The following ZNF763 variants were observed in gnomAD, a reference collection of about 807,000 sequenced individuals.
The protein encoded by ZNF763 is zinc finger protein 763, also known as DNA-binding protein.
Under a neutral mutation model 38.0 loss-of-function variants are expected in ZNF763, and 33 were observed. The ratio of observed to expected loss-of-function variants is 0.87; its 90% CI spans 0.66 to 1.16. ZNF763 has a LOEUF of 1.16. ZNF763 is among the 50% of genes most tolerant of loss of function. The pLI is 0.00. For missense variants in ZNF763, 423 were observed against 469.1 expected (o/e 0.90, Z 0.91); for synonymous variants, 155 against 160.1 (o/e 0.97, Z 0.24).
At position 11,978,737 on chromosome 19, in the gene ZNF763, T is replaced by C. The variant is rs1317345296; in HGVS notation, c.813T>C (p.Phe271=). 3 of 1,613,968 alleles carry C rather than the reference T, an allele frequency of 1.9e-6. No individual in the cohort carries two copies. The highest frequency in any genetic ancestry group is 2.5e-6 in the Non-Finnish European group (3 of 1,179,986). ...CGKAFHSSSS[F]QAHKRTHTGG... ...AAGCATTCCATAGTTCCAGTTCTTT[T>C]CAAGCACATAAAAGAACCCACACTG... The change falls in exon 4 of 4, where the codon TTT becomes TTC. Residue 271 remains phenylalanine (F), a synonymous_variant. Coordinates refer to ENST00000358987, the MANE Select transcript of ZNF763 (RefSeq NM_001367172.2).
Position 11,979,894 on chromosome 19 carries a change from T to G in ZNF763, c.*785T>G, listed in dbSNP as rs1191885333. On this transcript the variant is annotated 3_prime_UTR_variant, in exon 4 of 4. Transcript: ENST00000358987. ...TAAGAATGCACTCTGTAGAAAGACC[T>G]TATAAATGTAAGATATGTGGGAAAG... is the stretch of plus-strand genomic sequence containing the variant. 1 of 1,415,080 alleles carries G rather than the reference T, an allele frequency of 7.1e-7. No homozygotes were observed. Among genetic ancestry groups the G allele is most frequent in the African/African-American group, 1.4e-5 (1 of 69,854 alleles). The allele number at this position is 1,415,080 out of a possible 1,614,324, so 87.7% of individuals were successfully genotyped here. A position where few individuals can be genotyped will look rare whatever the true frequency, so the allele number is the denominator to read the frequency against.
At position 11,979,164 on chromosome 19, in the gene ZNF763, A is replaced by G. The variant is rs892444258; in HGVS notation, c.*55A>G. The G allele has an allele frequency of 1.9e-6, 3 of 1,612,296 alleles. No homozygotes were observed. Among genetic ancestry groups the G allele is most frequent in the Non-Finnish European group, 2.5e-6 (3 of 1,179,642 alleles). On this transcript the variant is annotated 3_prime_UTR_variant, in exon 4 of 4. Transcript: ENST00000358987. ...CTGCCAAGTCATTTCGAAGACATGA[A>G]AAAACTCACACTGGAGAGAAACCCT...
In ZNF763 at chr19:11,970,227, A is replaced by C. The variant is rs953479418; in HGVS notation, c.3+5016A>C. On this transcript the variant is annotated intron_variant, in intron 1 of 3. Coordinates refer to ENST00000358987, the MANE Select transcript of ZNF763 (RefSeq NM_001367172.2). ...GATTCCTGTCCTCTGGATTGTCTCAACTGTGAAGAGAGAAATATCCCAAAA... is the reference window on the plus strand; with the variant it reads ...GATTCCTGTCCTCTGGATTGTCTCACCTGTGAAGAGAGAAATATCCCAAAA... 9.2e-5 allele frequency among the ~76,000 whole-genome samples: 14 copies of C among 152,346 alleles called. No individual in the cohort carries two copies. The East Asian group carries it at 1.5e-3, about 17-fold the overall frequency.
rs1973582360 is a variant in ZNF763 at position 11,979,797 on chromosome 19, A to C, written c.*688A>C. The C allele has an allele frequency of 1.3e-6, 2 of 1,575,984 alleles. No homozygotes were observed. The highest frequency in any genetic ancestry group is 1.7e-5 in the Admixed American group (1 of 59,284). The stretch of plus-strand genomic sequence containing the variant: ...ACTCACACTGGAGAGAAACCCTATG[A>C]GTGTAAGGAATGTGGGAAAGCCTTC... On this transcript the variant is annotated 3_prime_UTR_variant, in exon 4 of 4. Coordinates refer to ENST00000358987, the MANE Select transcript of ZNF763 (RefSeq NM_001367172.2).
Position 11,980,305 on chromosome 19 carries a change from T to C in ZNF763, c.*1196T>C. The C allele has an allele frequency of 4.2e-6, 1 of 240,304 alleles. No individual in the cohort carries two copies. The highest frequency in any genetic ancestry group is 7.7e-6 in the Non-Finnish European group (1 of 129,146). 14.9% of individuals were successfully genotyped at this position (240,304 alleles called of 1,614,324 possible). A position where few individuals can be genotyped will look rare whatever the true frequency, so the allele number is the denominator to read the frequency against. On this transcript the variant is annotated 3_prime_UTR_variant, in exon 4 of 4. Transcript: ENST00000358987. ...CTGGCACAGGAGAATCGCTTGAATC[T>C]GGGGGGCAGAGGTTGCAGTGAGCCA...
chr19:11,965,298 C>T (rs988734847), intron 1 of ZNF763, 87 bp downstream of exon 1: 79 of 1,575,688 alleles, frequency 5.0e-5, no homozygotes, highest in East Asian at 1.1e-4. Context: ...CCGGGCCTCC[C>T]TGCGGGCGAC....
chr19:11,969,970 C>T (rs1480709983), intron 1 of ZNF763, among the ~76,000 whole-genome samples: 15 of 152,150 alleles, frequency 9.9e-5, no homozygotes, highest in Non-Finnish European at 2.2e-4. Flanking sequence ...TCAAGATCCC[C>T]ACAACTGCCA....
chr19:11,973,035 T>A (rs754698408), intron 1 of ZNF763, among the ~76,000 whole-genome samples: 1 of 152,224 alleles, frequency 6.6e-6, no homozygotes, highest in Non-Finnish European at 1.5e-5. Flanking sequence ...AAACCAATAT[T>A]ATTATTACCT....
At chr19:11,971,056 G>A (rs1469149648) in intron 1 of ZNF763, among the ~76,000 whole-genome samples, 2 of 152,138 alleles carry the variant, frequency 1.3e-5, no homozygotes, top group East Asian at 3.8e-4. Flanking sequence ...GTTCAAAGCT[G>A]CAGTGTATAG....
Position 11,977,076 on chromosome 19 carries a change from C to G in ZNF763, c.42C>G (p.Thr14=). The G allele has an allele frequency of 6.2e-7, 1 of 1,614,086 alleles. No homozygotes were observed. Among genetic ancestry groups the G allele is most frequent in the Non-Finnish European group, 8.5e-7 (1 of 1,180,018 alleles). ...VACEDVAVNF[T]QEEWALLDIS... is the part of the protein sequence containing the mutation. Reference sequence around the variant, plus strand: ...GTGAGGATGTTGCTGTGAACTTCACCCAGGAGGAGTGGGCTTTGCTGGATA... The same window carrying G: ...GTGAGGATGTTGCTGTGAACTTCACGCAGGAGGAGTGGGCTTTGCTGGATA... Residue 14 remains threonine, a synonymous_variant, in exon 2 of 4, where the codon ACC becomes ACG. Transcript: ENST00000358987.
At chr19:11,972,529 CCTTA>C (rs904855876) in intron 1 of ZNF763, among the ~76,000 whole-genome samples, 43 of 152,052 alleles carry the variant, frequency 2.8e-4, no homozygotes, top group African/African-American at 9.6e-4. Flanking sequence ...AAGATAATTG[CCTTA>C]CTTTTTATAC....
At chr19:11,971,789 C>T (rs139694002) in intron 1 of ZNF763, among the ~76,000 whole-genome samples, 2,534 of 152,186 alleles carry the variant, frequency 0.017, 64 homozygotes, top group African/African-American at 0.058. Context: ...TGTGGCCGGG[C>T]GCGGTGGCTC....
chr19:11,966,181 T>C (rs916734372), intron 1 of ZNF763, among the ~76,000 whole-genome samples: 22 of 152,204 alleles, frequency 1.4e-4, no homozygotes, highest in African/African-American at 5.3e-4. Context: ...GGAGTCTGTT[T>C]TTCCAGTCAG....
chr19:11,973,507 G>T (rs72988659), intron 1 of ZNF763, among the ~76,000 whole-genome samples: 2,868 of 152,086 alleles, frequency 0.019, 36 homozygotes, highest in African/African-American at 0.026. Flanking sequence ...GAGCCACCAC[G>T]TTCGGCCACT....
chr19:11,977,877 T>C (rs1490349350), intron 3 of ZNF763, among the ~76,000 whole-genome samples: 1 of 151,998 alleles, frequency 6.6e-6, no homozygotes, highest in Non-Finnish European at 1.5e-5. Flanking sequence ...TCACACAGAG[T>C]ATTTAGTACT....
rs2145348878 is a variant in ZNF763, at chr19:11,979,241, A to T, written c.*132A>T. The T allele has an allele frequency of 1.2e-6, 2 of 1,612,168 alleles. No homozygotes were observed. Among genetic ancestry groups the T allele is most frequent in the Non-Finnish European group, 1.7e-6 (2 of 1,179,254 alleles). The stretch of plus-strand genomic sequence containing the variant: ...TTCAATCTTTCCAGTTCCTTTCAGT[A>T]TCATGAAAGGACTCACACTGGAGAG... On this transcript the variant is annotated 3_prime_UTR_variant, in exon 4 of 4. Coordinates refer to ENST00000358987, the MANE Select transcript of ZNF763 (RefSeq NM_001367172.2).
intron 1 of ZNF763, among the ~76,000 whole-genome samples, chr19:11,967,271 A>G (rs563258142): frequency 6.6e-6 from 1 of 152,292 alleles, no homozygotes; most frequent in East Asian, 1.9e-4. Flanking sequence ...AGGAGGCAGA[A>G]GTTGCAGCCC....
intron 3 of ZNF763, among the ~76,000 whole-genome samples, chr19:11,977,829 G>C (rs925727206): frequency 1.3e-5 from 2 of 152,168 alleles, no homozygotes; most frequent in South Asian, 4.1e-4. Context: ...CTGTACTCCA[G>C]GATGGTCACA....
chr19:11,973,335 A>C (rs773526160), intron 1 of ZNF763, among the ~76,000 whole-genome samples: 23 of 152,318 alleles, frequency 1.5e-4, no homozygotes, highest in Non-Finnish European at 2.5e-4. Context: ...ATGTAAAAAT[A>C]TGCCTTGAAG....
Sources: allele counts gnomAD v4.1 joint callset (sites outside exome capture counted in the v4.1 genomes callset), GRCh38; gene constraint gnomAD v4.1.1; transcripts MANE v1.5; gene names NCBI Gene and HGNC (gene_info 2026-07-23, HGNC 2026-07-21).